MYH9: variants seen among roughly 807,000 people sequenced by gnomAD.
The protein encoded by MYH9 is myosin-9.
Under a neutral mutation model 241.9 loss-of-function variants are expected in MYH9, and 29 were observed. The observed-to-expected ratio is 0.12, with a 90% CI of 0.09 to 0.16. The LOEUF (loss-of-function observed/expected upper bound fraction) is 0.16, where lower values mean the gene tolerates loss of function less well. Among genes scored for constraint, MYH9 ranks in the 10% least tolerant of loss-of-function variants. The pLI, the probability that MYH9 is intolerant of heterozygous loss-of-function variation, is 1.00. For missense variants in MYH9, 1,803 were observed against 2,595.5 expected (o/e 0.69, Z 6.63); for synonymous variants, 1,047 against 1,062.6 (o/e 0.99, Z 0.29).
intron 2 of MYH9, among the ~76,000 whole-genome samples, chr22:36,347,526 A>G (rs1390587932): frequency 1.3e-5 from 2 of 151,770 alleles, no homozygotes; most frequent in Non-Finnish European, 2.9e-5. Context: ...TGTGCTCAGG[A>G]GTTCGAGACC....
chr22:36,333,762 G>A (rs2017458141), intron 3 of MYH9, among the ~76,000 whole-genome samples: 1 of 152,194 alleles, frequency 6.6e-6, no homozygotes, highest in Admixed American at 6.5e-5. Context: ...CTGTTGTTCA[G>A]CCCTGACAAA....
At chr22:36,328,646 A>G (rs1456010982) in intron 3 of MYH9, among the ~76,000 whole-genome samples, 1 of 152,268 alleles carries the variant, frequency 6.6e-6, no homozygotes, top group East Asian at 1.9e-4. Flanking sequence ...AGTAAGCTCC[A>G]CAAACGGTTG....
intron 3 of MYH9, among the ~76,000 whole-genome samples, chr22:36,332,893 A>G (rs1450493381): frequency 1.3e-5 from 2 of 152,294 alleles, no homozygotes; most frequent in South Asian, 4.1e-4. Flanking sequence ...GGCAGCTCCA[A>G]CAGGTTTGTC....
At position 36,302,577 on chromosome 22, in the gene MYH9, G is replaced by C. The variant is rs923335271; in HGVS notation, c.2490C>G (p.Leu830=). ...CCCTTCTAGCACGCACCTTGGTGAA[G>C]AGCCGCCACCACTGCCAGTTCCGCA... ...LKLRNWQWWR[L]FTKVKPLLQV... The change falls in exon 20 of 41, where the codon CTC becomes CTG. Residue 830 remains leucine (L), a synonymous_variant. Transcript: ENST00000216181. 1 of 1,613,010 alleles carries C rather than the reference G, an allele frequency of 6.2e-7. No homozygotes were observed. The highest frequency in any genetic ancestry group is 1.3e-5 in the African/African-American group (1 of 74,948).
At chr22:36,362,889 T>C (rs1364771388) in intron 1 of MYH9, among the ~76,000 whole-genome samples, 3 of 152,106 alleles carry the variant, frequency 2.0e-5, no homozygotes, top group East Asian at 1.9e-4. Flanking sequence ...CCAGCATGGA[T>C]AGAAGTGTGC....
rs562541322 is a variant in MYH9 at position 36,338,083 on chromosome 22, C to T, written c.490+3287G>A. 2.3e-3 allele frequency among the ~76,000 whole-genome samples: 353 copies of T among 152,064 alleles called. 1 individual carries two copies. Among genetic ancestry groups the T allele is most frequent in the African/African-American group, 8.3e-3 (344 of 41,504 alleles). On this transcript the variant is annotated intron_variant, in intron 3 of 40. Transcript: ENST00000216181. ...CACGATCTCAGCTCACTGCAACCTC[C>T]GCCGCCCAGGTTCAAGCAATTCTCA...
At chr22:36,381,913 T>C (rs2018262410) in intron 1 of MYH9, among the ~76,000 whole-genome samples, 1 of 152,192 alleles carries the variant, frequency 6.6e-6, no homozygotes, top group Admixed American at 6.5e-5. Flanking sequence ...AGTTTATCTG[T>C]GAGATGAATT....
chr22:36,302,758 TCTGGGGGTCTACCCTTGC>T, intron 19 of MYH9, 82 bp from the exon 20 acceptor site: 1 of 1,229,124 alleles, frequency 8.1e-7, no homozygotes, highest in East Asian at 2.4e-5. Flanking sequence ...CTCAAGCTTT[TCTGGGGGTCTACCCTTGC>T]CTGGGGCACC....
rs1603483053 is a variant in MYH9, at chr22:36,300,843, G to A, written c.2838+8C>T. ...CGCCACCCCTCCCCGGGTGCAGCGG[G>A]CAGGAACCTGGATGTTCTGCTGCAT... On this transcript the variant is annotated splice_region_variant and intron_variant, in intron 22 of 40. Transcript: ENST00000216181. The surrounding 1 kb of genome is among the most constrained non-coding windows in gnomAD (Gnocchi z 5.0). 6.2e-6 allele frequency: 10 copies of A among 1,600,042 alleles called. No individual in the cohort carries two copies. The highest frequency in any genetic ancestry group is 7.6e-6 in the Non-Finnish European group (9 of 1,179,946).
intron 1 of MYH9, among the ~76,000 whole-genome samples, chr22:36,376,289 C>T (rs753847409): frequency 1.3e-5 from 2 of 152,070 alleles, no homozygotes; most frequent in Non-Finnish European, 2.9e-5. Flanking sequence ...TAATTAATAA[C>T]GAGACTGTGA....
At chr22:36,354,916 C>T (rs1451777343) in intron 1 of MYH9, among the ~76,000 whole-genome samples, 2 of 149,074 alleles carry the variant, frequency 1.3e-5, no homozygotes, top group Non-Finnish European at 3.0e-5. Flanking sequence ...CAACCAGCAT[C>T]ATCATCTACC....
At position 36,306,400 on chromosome 22, in the gene MYH9, C is replaced by A. The variant is rs727504713; in HGVS notation, c.2037+14G>T. 1.2e-4 allele frequency: 192 copies of A among 1,613,892 alleles called. No individual in the cohort carries two copies. Among genetic ancestry groups the A allele is most frequent in the Non-Finnish European group, 1.6e-4 (186 of 1,180,026 alleles). ...ACAGTGCCCTGCCCGGGCCACCCCA[C>A]CAGGCAGCCGCACCTTCTTCTCGTG... On this transcript the variant is annotated intron_variant, in intron 16 of 40. Transcript: ENST00000216181. This position sits in a 1 kb window ranked among gnomAD's most constrained non-coding sequence, Gnocchi z 4.1.
At chr22:36,370,606 C>T (rs899367969) in intron 1 of MYH9, among the ~76,000 whole-genome samples, 6 of 152,200 alleles carry the variant, frequency 3.9e-5, no homozygotes, top group Non-Finnish European at 8.8e-5. Flanking sequence ...AGGTTATAGT[C>T]CTGCACCAGC....
chr22:36,339,215 G>T (rs1248112491), intron 3 of MYH9, among the ~76,000 whole-genome samples: 1 of 152,130 alleles, frequency 6.6e-6, no homozygotes, highest in East Asian at 1.9e-4. Context: ...TTAATGTCTT[G>T]CCTAAAAGCA....
rs747362893 is a variant in MYH9 at position 36,288,923 on chromosome 22, T to C, written c.4574A>G (p.Lys1525Arg). The C allele has an allele frequency of 2.7e-5, 43 of 1,613,852 alleles. No individual in the cohort carries two copies. The Middle Eastern group carries it at 6.6e-4, about 25-fold the overall frequency. ...CTGCTGCTCTAGGGCCCGCTTGGAC[T>C]TCTCCAGCTCGTGGACCTGAGCCCC... ...DVGKSVHELE[K>R]SKRALEQQVE... The change falls in exon 33 of 41, where the codon AAG becomes AGG. Residue 1525 changes from lysine (K) to arginine (R), a missense_variant. Transcript: ENST00000216181. This position sits in a 1 kb window ranked among gnomAD's most constrained non-coding sequence, Gnocchi z 4.8.
chr22:36,331,196 G>A (rs749231287), intron 3 of MYH9, among the ~76,000 whole-genome samples: 1 of 152,104 alleles, frequency 6.6e-6, no homozygotes, highest in African/African-American at 2.4e-5. Flanking sequence ...CTCTGGGAAT[G>A]AAGGGACTGC....
rs2017404486 is a variant in MYH9 at position 36,330,465 on chromosome 22, G to A, written c.491-2977C>T. ...ACCTTACAAGGTATTGTATTGTAATGTACAAAGCAGGTATTATCATCATTG... is the reference window on the plus strand; with the variant it reads ...ACCTTACAAGGTATTGTATTGTAATATACAAAGCAGGTATTATCATCATTG... On this transcript the variant is annotated intron_variant, in intron 3 of 40. Coordinates refer to ENST00000216181, the MANE Select transcript of MYH9 (RefSeq NM_002473.6). The surrounding 1 kb of genome is among the most constrained non-coding windows in gnomAD (Gnocchi z 4.5). 6.6e-6 allele frequency among the ~76,000 whole-genome samples: 1 copy of A among 152,192 alleles called. No homozygotes were observed. The highest frequency in any genetic ancestry group is 2.4e-5 in the African/African-American group (1 of 41,452).
chr22:36,296,810 AC>A, intron 25 of MYH9, 32 bp downstream of exon 25: 1 of 1,583,640 alleles, frequency 6.3e-7, no homozygotes. Flanking sequence ...GGCCCAGGCC[AC>A]CTGGCCTCAG....
At chr22:36,304,402 C>T (rs2016936885) in intron 18 of MYH9, among the ~76,000 whole-genome samples, 1 of 152,232 alleles carries the variant, frequency 6.6e-6, no homozygotes. Flanking sequence ...CAACTCCCTA[C>T]TCTGCAGCCA....
Sources: gnomAD v4.1 joint callset for allele counts (sites outside exome capture counted in the v4.1 genomes callset) on GRCh38, gnomAD v4.1.1 for gene constraint, Gnocchi (gnomAD v3.1) non-coding constraint, MANE v1.5 for transcripts, NCBI Gene and HGNC (gene_info 2026-07-23, HGNC 2026-07-21) for gene names.